CYRIB: variants seen among roughly 807,000 people sequenced by gnomAD.
CYRIB encodes the protein CYFIP related Rac1 interactor B, also known as CYFIP-related Rac1 interactor B.
A neutral mutation model predicts 44.2 loss-of-function variants in CYRIB; 8 were observed. That is an observed-to-expected ratio of 0.18 (90% confidence interval 0.11 to 0.33). The LOEUF (loss-of-function observed/expected upper bound fraction) is 0.33, where lower values mean the gene tolerates loss of function less well. Ranked by LOEUF, CYRIB falls within the 10% of genes least tolerant of loss-of-function variation. CYRIB has a pLI of 1.00. For missense variants in CYRIB, 185 were observed against 382.8 expected (o/e 0.48, Z 4.31); for synonymous variants, 131 against 127.2 (o/e 1.03, Z -0.20).
chr8:129,903,864 A>C (rs2073734754), intron 1 of CYRIB, among the ~76,000 whole-genome samples: 1 of 152,178 alleles, frequency 6.6e-6, no homozygotes, highest in South Asian at 2.1e-4. Flanking sequence ...CATTTGGCAA[A>C]ATTCAAGTGA....
chr8:129,947,739 GTCTATA>G (rs1232891041), intron 2 of CYRIB: 2 of 152,164 alleles, frequency 1.3e-5, no homozygotes, highest in African/African-American at 2.4e-5. Context: ...TGTTTTTCCT[GTCTATA>G]TCTATATAAA....
intron 1 of CYRIB, among the ~76,000 whole-genome samples, chr8:129,975,254 G>C (rs1180252591): frequency 1.3e-5 from 2 of 151,180 alleles, no homozygotes; most frequent in East Asian, 3.9e-4. Context: ...AACCTCAAGC[G>C]ATCCTCCCGC....
chr8:129,856,254 C>T (rs568051261), intron 5 of CYRIB, among the ~76,000 whole-genome samples: 86 of 152,218 alleles, frequency 5.6e-4, no homozygotes, highest in Admixed American at 6.5e-4. Flanking sequence ...CTAAAGAGAA[C>T]AAAATATGTG....
intron 1 of CYRIB, among the ~76,000 whole-genome samples, chr8:129,986,202 A>G (rs2096449835): frequency 1.3e-5 from 2 of 152,220 alleles, no homozygotes; most frequent in African/African-American, 4.8e-5. Context: ...AAGAGGGACA[A>G]GGTTTCAATA....
intron 7 of CYRIB, 34 bp downstream of exon 9, chr8:129,854,232 C>T: frequency 6.8e-7 from 1 of 1,481,348 alleles, no homozygotes. Flanking sequence ...CTAAGTTACT[C>T]TTACCATCCC....
chr8:129,901,664 T>C (rs1338748481), intron 2 of CYRIB: 1 of 152,212 alleles, frequency 6.6e-6, no homozygotes, highest in Non-Finnish European at 1.5e-5. Context: ...GATGGGAACC[T>C]TTTCACTAAC....
chr8:129,999,622 TG>T (rs2096862114), intron 1 of CYRIB, among the ~76,000 whole-genome samples: 1 of 152,162 alleles, frequency 6.6e-6, no homozygotes, highest in Non-Finnish European at 1.5e-5. Context: ...CAAGGTTTTG[TG>T]CTTTTGTATT....
intron 2 of CYRIB, among the ~76,000 whole-genome samples, chr8:129,888,856 GC>G (rs1211910332): frequency 1.3e-5 from 2 of 152,136 alleles, no homozygotes; most frequent in Non-Finnish European, 2.9e-5. Context: ...ACTTTGGGAG[GC>G]CGAGGTGGGC....
At chr8:129,889,572 T>C (rs549340705) in intron 2 of CYRIB, among the ~76,000 whole-genome samples, 2 of 152,224 alleles carry the variant, frequency 1.3e-5, no homozygotes, top group African/African-American at 4.8e-5. Context: ...CAAACATCAA[T>C]AGGAGTTTGA....
In CYRIB at chr8:129,930,365, T is replaced by TTTTA. The variant is rs369665802; in HGVS notation, c.-50+9242_-50+9243insTAAA. Among the ~76,000 whole-genome samples, 22 of 50,418 alleles carry TTTTA rather than the reference T, an allele frequency of 4.4e-4. 4 individuals are homozygous for TTTTA. Among genetic ancestry groups the TTTTA allele is most frequent in the South Asian group, 7.1e-4 (1 of 1,412 alleles). The allele number at this position is 50,418 out of a possible 152,430, so 33.1% of individuals were successfully genotyped here. A position where few individuals can be genotyped will look rare whatever the true frequency, so the allele number is the denominator to read the frequency against. On this transcript the variant is annotated intron_variant, in intron 1 of 11. Transcript: ENST00000519824. ...TCAACTAGGAAGAATTGTGAAGTGC[T>TTTTA]TATATATATATATATTTTAATTATT...
At chr8:129,940,457 T>TA (rs758712640), upstream of CYRIB, among the ~76,000 whole-genome samples, 2 of 152,104 alleles carry the variant, frequency 1.3e-5, no homozygotes, top group South Asian at 2.1e-4. Flanking sequence ...AGACTCCACT[T>TA]ACAACACTCT....
At chr8:129,933,193 T>C (rs757969185) in intron 1 of CYRIB, among the ~76,000 whole-genome samples, 1 of 152,118 alleles carries the variant, frequency 6.6e-6, no homozygotes, top group African/African-American at 2.4e-5. Context: ...AAAGTGAATA[T>C]AAAGCCTTGA....
rs112180419 is a variant in CYRIB, at chr8:129,855,268, G to A, written c.438+343C>T. On this transcript the variant is annotated intron_variant, in intron 6 of 11. Transcript: ENST00000519824. ...TAGCCAGGCGTGGTGGCACATGCCT[G>A]TAATCCCAGCTACTTGGGAGGTTGA... 2.7e-3 allele frequency among the ~76,000 whole-genome samples: 411 copies of A among 152,106 alleles called. 1 individual carries two copies. Among genetic ancestry groups the A allele is most frequent in the African/African-American group, 9.4e-3 (391 of 41,496 alleles).
intron 2 of CYRIB, among the ~76,000 whole-genome samples, chr8:129,969,015 CT>C (rs55873104): frequency 2.6e-5 from 2 of 76,866 alleles, no homozygotes; most frequent in African/African-American, 5.2e-5. Context: ...ATTTGTCCTC[CT>C]TTTTTTTTTT....
chr8:130,014,260 T>C (rs1024878812), intron 1 of CYRIB, among the ~76,000 whole-genome samples: 3 of 152,046 alleles, frequency 2.0e-5, no homozygotes, highest in African/African-American at 7.2e-5. Flanking sequence ...AGAGACCCCA[T>C]CTCTACAAAA....
intron 5 of CYRIB, among the ~76,000 whole-genome samples, chr8:129,860,187 A>G (rs2048613783): frequency 6.6e-6 from 1 of 152,204 alleles, no homozygotes; most frequent in Admixed American, 6.5e-5. Context: ...GACACACACC[A>G]CGAGACCGAT....
chr8:130,004,725 A>G (rs901139283), intron 1 of CYRIB: 1 of 151,248 alleles, frequency 6.6e-6, no homozygotes, highest in African/African-American at 2.4e-5. Flanking sequence ...CGCATGGAAA[A>G]CCAACCTTCA....
intron 1 of CYRIB, among the ~76,000 whole-genome samples, chr8:129,977,850 G>A (rs2096021583): frequency 6.6e-6 from 1 of 152,148 alleles, no homozygotes; most frequent in African/African-American, 2.4e-5. Flanking sequence ...CTCTTTCAAT[G>A]AGATCATAAG....
chr8:129,904,088 A>C (rs1446457831), intron 1 of CYRIB, among the ~76,000 whole-genome samples: 1 of 152,220 alleles, frequency 6.6e-6, no homozygotes, highest in Non-Finnish European at 1.5e-5. Flanking sequence ...ATTTTAGGTA[A>C]AATGGAATCT....
Sources: allele counts gnomAD v4.1 joint callset (sites outside exome capture counted in the v4.1 genomes callset), GRCh38; gene constraint gnomAD v4.1.1; transcripts MANE v1.5; gene names NCBI Gene and HGNC (gene_info 2026-07-23, HGNC 2026-07-21).